The following RASA1 variants were observed in gnomAD, a reference collection of about 807,000 sequenced individuals.
The protein encoded by RASA1 is ras GTPase-activating protein 1.
RASA1 carries 25 observed loss-of-function variants against 132.2 expected under a neutral mutation model. That is an observed-to-expected ratio of 0.19 (90% CI 0.14 to 0.26). RASA1 has a LOEUF of 0.26. Among genes scored for constraint, RASA1 ranks in the 10% least tolerant of loss-of-function variants. The pLI, the probability that RASA1 is intolerant of heterozygous loss-of-function variation, is 1.00. For synonymous variants in RASA1, 477 were observed against 449.9 expected (o/e 1.06, Z -0.76); for missense variants, 964 against 1,299.2 (o/e 0.74, Z 3.97).
At chr5:87,345,947 A>G (rs1349257726) in intron 6 of RASA1, among the ~76,000 whole-genome samples, 3 of 152,098 alleles carry the variant, frequency 2.0e-5, no homozygotes, top group Admixed American at 2.0e-4. Context: ...ATGTACTTTG[A>G]TGACTAGTAA....
chr5:87,274,299 T>C (rs2112233724), intron 1 of RASA1, among the ~76,000 whole-genome samples: 1 of 152,310 alleles, frequency 6.6e-6, no homozygotes, highest in Non-Finnish European at 1.5e-5. Context: ...ACCTTTCTTT[T>C]TTAAAAAAAT....
At chr5:87,379,391 G>A (rs374878466) in intron 18 of RASA1, among the ~76,000 whole-genome samples, 11 of 152,096 alleles carry the variant, frequency 7.2e-5, no homozygotes, top group Non-Finnish European at 7.4e-5. Flanking sequence ...TTCTGAGAAA[G>A]GTTTGTGATT....
intron 1 of RASA1, among the ~76,000 whole-genome samples, chr5:87,283,148 GT>G (rs200461511): frequency 0.028 from 2,932 of 103,222 alleles, 82 homozygotes; most frequent in African/African-American, 0.095. Flanking sequence ...TTTTTTTTGT[GT>G]TTTTTTTTTT....
Position 87,374,827 on chromosome 5 carries a change from C to G in RASA1, c.1935-13C>G, listed in dbSNP as rs1445608349. 6.2e-7 allele frequency: 1 copy of G among 1,607,728 alleles called. No homozygotes were observed. The highest frequency in any genetic ancestry group is 1.1e-5 in the South Asian group (1 of 90,862). On this transcript the variant is annotated splice_polypyrimidine_tract_variant and intron_variant, in intron 14 of 24. Transcript: ENST00000274376. ...AAACATTTTGTTAATTCTTTTTCTC[C>G]TTGCTCCTTTAGTGATCTTCCTCCT... is the stretch of plus-strand genomic sequence containing the variant.
intron 1 of RASA1, among the ~76,000 whole-genome samples, chr5:87,297,961 C>T (rs182510214): frequency 6.6e-6 from 1 of 152,212 alleles, no homozygotes; most frequent in Admixed American, 6.5e-5. Context: ...AGATTTTTCT[C>T]TATCTGCCTA....
rs552319088 is a variant in RASA1, at chr5:87,378,708, T to C, written c.2487+170T>C. ...ATAAAAATGTTCTGCAAAATGGACT[T>C]CTTAAAAAAGATGTACTTTATTTTG... On this transcript the variant is annotated intron_variant, in intron 18 of 24. Coordinates refer to ENST00000274376, the MANE Select transcript of RASA1 (RefSeq NM_002890.3). Among the ~76,000 whole-genome samples the C allele has an allele frequency of 3.3e-5, 5 of 152,316 alleles. No homozygotes were observed. In the South Asian group the frequency reaches 8.3e-4, roughly 25 times the overall value.
chr5:87,349,081 T>TAAA, intron 7 of RASA1, 133 bp from the exon 8 acceptor site: 1 of 1,030,118 alleles, frequency 9.7e-7, no homozygotes, highest in Non-Finnish European at 1.4e-6. Flanking sequence ...GAAATTATCT[T>TAAA]AAAAAAAAAA....
chr5:87,385,543 TA>T (rs1408656384), intron 22 of RASA1, among the ~76,000 whole-genome samples, 154 bp downstream of exon 22: 1 of 152,146 alleles, frequency 6.6e-6, no homozygotes, highest in Non-Finnish European at 1.5e-5. Context: ...GTAGCTTGTT[TA>T]AATTTTACAT....
In RASA1 at chr5:87,379,650, G is replaced by A. The variant is rs149101456; in HGVS notation, c.2488-85G>A. The A allele has an allele frequency of 6.8e-5, 104 of 1,533,286 alleles. 1 individual carries two copies. In the South Asian group the frequency reaches 7.0e-4, roughly 10 times the overall value. 95.0% of individuals were successfully genotyped at this position (1,533,286 alleles called of 1,614,324 possible). A position where few individuals can be genotyped will look rare whatever the true frequency, so the allele number is the denominator to read the frequency against. ...GAGATACCGAAAAATAGACAACCTC[G>A]AAAACTATAACTACTTGTTTTCCTC... On this transcript the variant is annotated intron_variant, in intron 18 of 24. Transcript: ENST00000274376.
Position 87,332,652 on chromosome 5 carries a change from A to G in RASA1, c.828+10A>G. ...AGTTGCACCACCAGAGGCAAGTAAA[A>G]TGAATAAAATATCTTTCAAAACTTT... On this transcript the variant is annotated intron_variant, in intron 3 of 24. Coordinates refer to ENST00000274376, the MANE Select transcript of RASA1 (RefSeq NM_002890.3). The G allele has an allele frequency of 6.2e-7, 1 of 1,604,798 alleles. No individual in the cohort carries two copies. The highest frequency in any genetic ancestry group is 8.5e-7 in the Non-Finnish European group (1 of 1,172,502).
intron 21 of RASA1, 137 bp from the exon 22 acceptor site, chr5:87,385,164 A>G: frequency 1.5e-6 from 1 of 687,126 alleles, no homozygotes; most frequent in South Asian, 1.7e-5. Flanking sequence ...ACATTTTTCC[A>G]AAAACATTCT....
chr5:87,355,339 T>A (rs566563845), intron 9 of RASA1, among the ~76,000 whole-genome samples: 1 of 152,328 alleles, frequency 6.6e-6, no homozygotes, highest in African/African-American at 2.4e-5. Flanking sequence ...TATCGTTGAC[T>A]ATTCTGAAAA....
At chr5:87,337,581 C>G (rs1758062599) in intron 4 of RASA1, among the ~76,000 whole-genome samples, 1 of 151,948 alleles carries the variant, frequency 6.6e-6, no homozygotes, top group Non-Finnish European at 1.5e-5. Context: ...TTTATATCTA[C>G]CCTACATCTG....
At chr5:87,350,312 C>G (rs1453305334) in intron 8 of RASA1, among the ~76,000 whole-genome samples, 1 of 151,820 alleles carries the variant, frequency 6.6e-6, no homozygotes, top group African/African-American at 2.4e-5. Flanking sequence ...ACATGACAAT[C>G]TGAGTTCTAG....
At chr5:87,381,999 T>G (rs1761750089) in intron 20 of RASA1, among the ~76,000 whole-genome samples, 1 of 152,214 alleles carries the variant, frequency 6.6e-6, no homozygotes, top group South Asian at 2.1e-4. Flanking sequence ...TTGCCCATGC[T>G]GGAGTGCAGT....
intron 24 of RASA1, 152 bp downstream of exon 24, chr5:87,389,679 A>C (rs1167220079): frequency 1.9e-6 from 2 of 1,067,840 alleles, no homozygotes. Context: ...GCAGACAGAA[A>C]TAACGGGCCC....
chr5:87,279,657 C>T (rs1010684304), intron 1 of RASA1, among the ~76,000 whole-genome samples: 3 of 152,106 alleles, frequency 2.0e-5, no homozygotes, highest in Non-Finnish European at 2.9e-5. Context: ...TGTGTCTTAA[C>T]CAGCATTTGA....
chr5:87,326,542 TAGAG>T (rs1757243399), intron 1 of RASA1, among the ~76,000 whole-genome samples: 1 of 152,140 alleles, frequency 6.6e-6, no homozygotes, highest in Admixed American at 6.5e-5. Context: ...CCATCTTCCT[TAGAG>T]AGGCAAAGAA....
chr5:87,291,531 CTAAA>C (rs1015147690), intron 1 of RASA1, among the ~76,000 whole-genome samples: 15 of 152,030 alleles, frequency 9.9e-5, no homozygotes, highest in Non-Finnish European at 5.9e-5. Flanking sequence ...ACCCTGTCTC[CTAAA>C]TAAATAAATA....
Sources: gnomAD v4.1 joint callset for allele counts (sites outside exome capture counted in the v4.1 genomes callset) on GRCh38, gnomAD v4.1.1 for gene constraint, MANE v1.5 for transcripts, NCBI Gene and HGNC (gene_info 2026-07-23, HGNC 2026-07-21) for gene names.